The following AGAP1 variants were observed in gnomAD, a reference collection of about 807,000 sequenced individuals.
The protein encoded by AGAP1 is ArfGAP with GTPase domain, ankyrin repeat and PH domain 1.
A neutral mutation model predicts 105.3 loss-of-function variants in AGAP1; 29 were observed. The observed-to-expected ratio is 0.28, with a 90% CI of 0.21 to 0.38. The LOEUF (loss-of-function observed/expected upper bound fraction) is 0.38. Ranked by LOEUF, AGAP1 falls within the 10% of genes least tolerant of loss-of-function variation. The pLI, the probability that AGAP1 is intolerant of heterozygous loss-of-function variation, is 1.00. For missense variants in AGAP1, 998 were observed against 1,165.1 expected, an observed-to-expected ratio of 0.86 and a Z score of 2.09; for synonymous variants, 509 against 485.9, an observed-to-expected ratio of 1.05 and a Z score of -0.63.
At chr2:235,972,501 G>A (rs1011172142) in intron 13 of AGAP1, among the ~76,000 whole-genome samples, 3 of 152,144 alleles carry the variant, frequency 2.0e-5, no homozygotes, top group Admixed American at 1.3e-4. Flanking sequence ...TGTAGAACCC[G>A]GGGTGTAACG....
chr2:235,977,444 T>G lies in AGAP1; in HGVS notation c.1645+8821T>G. On this transcript the variant is annotated intron_variant, in intron 13 of 17. Transcript: ENST00000304032. This position sits in a 1 kb window ranked among gnomAD's most constrained non-coding sequence, Gnocchi z 5.2. Reference sequence around the variant, plus strand: ...TCCTCATCTACTCTTTCTACTTTCCTCAGCTGCATGTATTTTACACACAAA... The same window carrying G: ...TCCTCATCTACTCTTTCTACTTTCCGCAGCTGCATGTATTTTACACACAAA... 6.6e-6 allele frequency among the ~76,000 whole-genome samples: 1 copy of G among 152,282 alleles called. No homozygotes were observed. The highest frequency in any genetic ancestry group is 1.9e-4 in the East Asian group (1 of 5,176).
At chr2:235,703,328 C>G (rs914947157) in intron 1 of AGAP1, among the ~76,000 whole-genome samples, 1 of 152,118 alleles carries the variant, frequency 6.6e-6, no homozygotes, top group African/African-American at 2.4e-5. Context: ...GCAGTGAGTT[C>G]AGGTAGCATG....
Position 235,934,561 on chromosome 2 carries a change from T to A in AGAP1, c.1483+3638T>A, listed in dbSNP as rs752824359. ...TATGAATGGATTTCAAGACTCAGCC[T>A]TGGCATAAACATTCCCTGCAGGGCT... On this transcript the variant is annotated intron_variant, in intron 12 of 17. Transcript: ENST00000304032. The surrounding 1 kb of genome is among the most constrained non-coding windows in gnomAD (Gnocchi z 4.9). Among the ~76,000 whole-genome samples, 28 of 152,220 alleles carry A rather than the reference T, an allele frequency of 1.8e-4. No individual in the cohort carries two copies. Among genetic ancestry groups the A allele is most frequent in the Non-Finnish European group, 5.9e-5 (4 of 68,042 alleles).
chr2:236,040,528 T>C lies in AGAP1; in HGVS notation c.1801-223T>C. 1.9e-6 allele frequency: 1 copy of C among 534,250 alleles called. No individual in the cohort carries two copies. The highest frequency in any genetic ancestry group is 3.4e-6 in the Non-Finnish European group (1 of 296,436). The allele number at this position is 534,250 out of a possible 1,614,324, so 33.1% of individuals were successfully genotyped here. A position where few individuals can be genotyped will look rare whatever the true frequency, so the allele number is the denominator to read the frequency against. On this transcript the variant is annotated intron_variant, in intron 14 of 17. Coordinates refer to ENST00000304032, the MANE Select transcript of AGAP1 (RefSeq NM_001037131.3). The surrounding 1 kb of genome is among the most constrained non-coding windows in gnomAD (Gnocchi z 5.6). ...TTCTGGCAGAGTCCGTCTCAGCTGA[T>C]GAGTTAAAATGTGACATTTCCTCCC...
rs1039928693 is a variant in AGAP1 at position 236,101,277 on chromosome 2, A to G, written c.2115-18915A>G. Among the ~76,000 whole-genome samples, 13 of 152,114 alleles carry G rather than the reference A, an allele frequency of 8.5e-5. No homozygotes were observed. The highest frequency in any genetic ancestry group is 4.4e-5 in the Non-Finnish European group (3 of 68,026). On this transcript the variant is annotated intron_variant, in intron 16 of 17. Transcript: ENST00000304032. This position sits in a 1 kb window ranked among gnomAD's most constrained non-coding sequence, Gnocchi z 4.9. ...GTATACCACATTAAGAAGACTCCTT[A>G]TTGTTCCAAAGCAATGGTCCTATGT...
intron 1 of AGAP1, among the ~76,000 whole-genome samples, chr2:235,686,665 A>ATATATAT (rs1369766503): frequency 6.5e-5 from 5 of 77,492 alleles, no homozygotes; most frequent in African/African-American, 3.2e-4. Flanking sequence ...ATATATATAT[A>ATATATAT]TTTTTTTTTT....
At chr2:235,886,361 G>A (rs1318968473) in intron 10 of AGAP1, among the ~76,000 whole-genome samples, 1 of 152,242 alleles carries the variant, frequency 6.6e-6, no homozygotes, top group East Asian at 1.9e-4. Context: ...CAGTCGAAGG[G>A]ATGTTTGCTG....
At chr2:235,817,868 G>A (rs1291208157) in intron 9 of AGAP1, among the ~76,000 whole-genome samples, 1 of 152,182 alleles carries the variant, frequency 6.6e-6, no homozygotes, top group African/African-American at 2.4e-5. Flanking sequence ...TCCAGCCTGG[G>A]CAACAGAGTG....
chr2:235,729,964 A>C lies in AGAP1; in HGVS notation c.311-10999A>C, dbSNP rs1174767704. 6.6e-6 allele frequency among the ~76,000 whole-genome samples: 1 copy of C among 152,048 alleles called. No individual in the cohort carries two copies. Among genetic ancestry groups the C allele is most frequent in the East Asian group, 1.9e-4 (1 of 5,182 alleles). On this transcript the variant is annotated intron_variant, in intron 3 of 17. Coordinates refer to ENST00000304032, the MANE Select transcript of AGAP1 (RefSeq NM_001037131.3). This position sits in a 1 kb window ranked among gnomAD's most constrained non-coding sequence, Gnocchi z 5.0. The stretch of plus-strand genomic sequence containing the variant: ...AGGCAGTTCGCCAGCCCCCTACCCT[A>C]CAGTATGGAAAAAAGGCATAGAACA...
Position 235,887,321 on chromosome 2 carries a change from T to C in AGAP1, c.1155+3872T>C, listed in dbSNP as rs940620859. Among the ~76,000 whole-genome samples the C allele has an allele frequency of 1.3e-5, 2 of 152,220 alleles. No homozygotes were observed. Among genetic ancestry groups the C allele is most frequent in the African/African-American group, 4.8e-5 (2 of 41,458 alleles). ...GAGTCATTATTGTTGCTCCTAACTCTATTACTGACCACAGCGTGAAGTGGG... is the reference window on the plus strand; with the variant it reads ...GAGTCATTATTGTTGCTCCTAACTCCATTACTGACCACAGCGTGAAGTGGG... On this transcript the variant is annotated intron_variant, in intron 10 of 17. Transcript: ENST00000304032. The surrounding 1 kb of genome is among the most constrained non-coding windows in gnomAD (Gnocchi z 4.1).
At position 236,086,296 on chromosome 2, in the gene AGAP1, G is replaced by A. The variant is rs367746857; in HGVS notation, c.2115-33896G>A. Among the ~76,000 whole-genome samples the A allele has an allele frequency of 1.7e-4, 26 of 152,264 alleles. No individual in the cohort carries two copies. In the South Asian group the frequency reaches 4.8e-3, roughly 28 times the overall value. The stretch of plus-strand genomic sequence containing the variant: ...TACTATTGACTTGAAATTCTCAGAA[G>A]GCGAGACATAACTCTCTGTCTTCTT... On this transcript the variant is annotated intron_variant, in intron 16 of 17. Transcript: ENST00000304032.
chr2:235,929,511 T>C (rs909658665), intron 11 of AGAP1, among the ~76,000 whole-genome samples: 3 of 152,196 alleles, frequency 2.0e-5, no homozygotes, highest in African/African-American at 7.2e-5. Flanking sequence ...TTTTCTTTTT[T>C]TTTAAGGCAG....
At position 235,656,447 on chromosome 2, in the gene AGAP1, G is replaced by A. The variant is rs998013818; in HGVS notation, c.164-52732G>A. On this transcript the variant is annotated intron_variant, in intron 1 of 17. Transcript: ENST00000304032. ...ACTTTCTCATAAAGCAACATTTTTC[G>A]ATTACCTGCTCCACCCTGACTCATT... is the stretch of plus-strand genomic sequence containing the variant. 4.6e-5 allele frequency among the ~76,000 whole-genome samples: 7 copies of A among 151,924 alleles called. No homozygotes were observed. The South Asian group carries it at 6.3e-4, about 14-fold the overall frequency.
Position 235,556,458 on chromosome 2 carries a change from G to A in AGAP1, c.163+61609G>A, listed in dbSNP as rs536406295. Reference sequence around the variant, plus strand: ...CTTCAGGATGGGACAAGGCAGTCTTGGGGGACTTTGGGGTGACACAAACCA... The same window carrying A: ...CTTCAGGATGGGACAAGGCAGTCTTAGGGGACTTTGGGGTGACACAAACCA... On this transcript the variant is annotated intron_variant, in intron 1 of 17. Coordinates refer to ENST00000304032, the MANE Select transcript of AGAP1 (RefSeq NM_001037131.3). The surrounding 1 kb of genome is among the most constrained non-coding windows in gnomAD (Gnocchi z 5.3). Among the ~76,000 whole-genome samples the A allele has an allele frequency of 1.3e-4, 20 of 152,316 alleles. 1 individual carries two copies. The South Asian group carries it at 3.5e-3, about 27-fold the overall frequency.
chr2:235,508,477 A>G (rs182359355), intron 1 of AGAP1, among the ~76,000 whole-genome samples: 2 of 152,300 alleles, frequency 1.3e-5, no homozygotes, highest in East Asian at 3.9e-4. Flanking sequence ...TTTTTTACTC[A>G]TCAAGGTTAT....
At chr2:235,797,051 G>A (rs1166837988) in intron 6 of AGAP1, among the ~76,000 whole-genome samples, 1 of 152,096 alleles carries the variant, frequency 6.6e-6, no homozygotes, top group Admixed American at 6.5e-5. Flanking sequence ...AATAAAAAAG[G>A]TCTTTGATAT....
chr2:235,656,371 A>T (rs1219675625), intron 1 of AGAP1, among the ~76,000 whole-genome samples: 1 of 152,208 alleles, frequency 6.6e-6, no homozygotes, highest in Non-Finnish European at 1.5e-5. Context: ...TTCTTTTCAA[A>T]GAATCAGTAT....
At chr2:235,974,616 T>C (rs1348744268) in intron 13 of AGAP1, among the ~76,000 whole-genome samples, 1 of 152,238 alleles carries the variant, frequency 6.6e-6, no homozygotes, top group Non-Finnish European at 1.5e-5. Flanking sequence ...AAGATTCTCC[T>C]GTAGAGGGTA....
intron 1 of AGAP1, among the ~76,000 whole-genome samples, chr2:235,570,721 C>G (rs1204884677): frequency 6.6e-6 from 1 of 152,204 alleles, no homozygotes; most frequent in East Asian, 1.9e-4. Context: ...CATTTAGGTT[C>G]CAGCTTCCTT....
Sources: allele counts gnomAD v4.1 joint callset (sites outside exome capture counted in the v4.1 genomes callset), GRCh38; gene constraint gnomAD v4.1.1; non-coding constraint Gnocchi (gnomAD v3.1); transcripts MANE v1.5; gene names NCBI Gene and HGNC (gene_info 2026-07-23, HGNC 2026-07-21).